Variants in DUS2 observed in about 807,000 individuals in gnomAD.
DUS2 encodes dihydrouridine synthase 2.
Under a neutral mutation model 71.3 loss-of-function variants are expected in DUS2, and 52 were observed. The observed-to-expected ratio is 0.73, with a 90% CI of 0.58 to 0.92. The LOEUF (loss-of-function observed/expected upper bound fraction) is 0.92. DUS2 is among the 40% of genes least tolerant of loss of function. The pLI, the probability that DUS2 is intolerant of heterozygous loss-of-function variation, is 0.00. For synonymous variants in DUS2, 204 were observed against 227.8 expected, an observed-to-expected ratio of 0.90 and a Z score of 0.94; for missense variants, 558 against 622.6, an observed-to-expected ratio of 0.90 and a Z score of 1.10.
In DUS2 at chr16:68,053,589, C is replaced by T. The variant is rs528944688; in HGVS notation, c.198C>T (p.Val66=). Residue 66 remains valine (V), a synonymous_variant, in exon 5 of 17, where the codon GTC becomes GTT. Transcript: ENST00000565263. ...VNEVLSTVDF[V]APDDRVVFRT... ...AGGTGCTCAGCACAGTGGACTTTGT[C>T]GCCCCTGATGATCGAGTTGTCTTCC... 1.1e-5 allele frequency: 18 copies of T among 1,614,202 alleles called. No homozygotes were observed. The highest frequency in any genetic ancestry group is 2.2e-5 in the East Asian group (1 of 44,886).
At chr16:68,046,542 T>A (rs1202935562) in intron 3 of DUS2, among the ~76,000 whole-genome samples, 1 of 152,092 alleles carries the variant, frequency 6.6e-6, no homozygotes, top group Non-Finnish European at 1.5e-5. Context: ...CACGCTCGGC[T>A]AATTTTTGTT....
chr16:68,072,510 A>G (rs977216331), intron 12 of DUS2, among the ~76,000 whole-genome samples: 3 of 152,196 alleles, frequency 2.0e-5, no homozygotes, highest in African/African-American at 7.2e-5. Context: ...ATCACAGAGA[A>G]AGGGAGCGGC....
At chr16:68,066,287 A>G (rs2034003518) in intron 8 of DUS2, 30 bp from the exon 9 acceptor site, 3 of 1,609,178 alleles carry the variant, frequency 1.9e-6, no homozygotes, top group South Asian at 1.1e-5. Context: ...TCCAGAAGAC[A>G]TAGGTGCTCT....
intron 4 of DUS2, 52 bp downstream of exon 4, chr16:68,049,602 C>G: frequency 6.4e-7 from 1 of 1,555,052 alleles, no homozygotes; most frequent in South Asian, 1.1e-5. Flanking sequence ...TGGGCTCAAG[C>G]AGCACTACCA....
rs1327522993 is a variant in DUS2 at position 68,071,064 on chromosome 16, G to A, written c.766G>A (p.Gly256Ser). ...MWNPSIFLKE[G>S]LRPLEEVMQK... The stretch of plus-strand genomic sequence containing the variant: ...GAACCCATCTATCTTCCTCAAGGAG[G>A]GTCTGCGGCCCCTGGAGGAGGTCAT... The change falls in exon 12 of 17, where the codon GGT (glycine) becomes AGT (serine). Residue 256 changes from glycine to serine, a missense_variant. By Grantham distance (56) the Gly-to-Ser change is moderately conservative. Coordinates refer to ENST00000565263, the MANE Select transcript of DUS2 (RefSeq NM_017803.5). 5.6e-6 allele frequency: 9 copies of A among 1,614,084 alleles called. No individual in the cohort carries two copies. In the African/African-American group the frequency reaches 1.2e-4, roughly 22 times the overall value.
intron 12 of DUS2, 68 bp downstream of exon 12, chr16:68,071,176 T>G (rs1169079874): frequency 6.4e-7 from 1 of 1,555,898 alleles, no homozygotes; most frequent in Admixed American, 1.7e-5. Context: ...GAGAGCACTT[T>G]GTGTGAGCCC....
chr16:68,076,766 C>CAACTCTAG, intron 15 of DUS2, 47 bp downstream of exon 15: 1 of 1,509,626 alleles, frequency 6.6e-7, no homozygotes, highest in Non-Finnish European at 9.2e-7. Context: ...ACAGCACTCC[C>CAACTCTAG]ATGGCTTACA....
chr16:68,053,904 A>G (rs1343586760), intron 5 of DUS2: 5 of 471,014 alleles, frequency 1.1e-5, no homozygotes, highest in Non-Finnish European at 1.9e-5. Flanking sequence ...ACTTACTTGT[A>G]GGAATTGTCT....
At chr16:68,024,548 A>G (rs2033315204) in intron 1 of DUS2, among the ~76,000 whole-genome samples, 1 of 152,202 alleles carries the variant, frequency 6.6e-6, no homozygotes, top group Admixed American at 6.5e-5. Flanking sequence ...ATCAAATACC[A>G]ATGAAAAGAT....
At chr16:68,058,004 AG>A (rs1439124197) in intron 7 of DUS2, among the ~76,000 whole-genome samples, 1 of 151,808 alleles carries the variant, frequency 6.6e-6, no homozygotes, top group Non-Finnish European at 1.5e-5. Flanking sequence ...GGAATTTGAT[AG>A]GGAAATATTG....
At chr16:68,062,718 CAAAAAAAAAAAAAA>C in intron 8 of DUS2, among the ~76,000 whole-genome samples, 1 of 48,724 alleles carries the variant, frequency 2.1e-5, no homozygotes, top group African/African-American at 8.3e-5. Context: ...GACTCCGTCT[CAAAAAAAAAAAAAA>C]AAAAAAAAGA....
At chr16:68,027,900 G>A (rs1022918838) in intron 2 of DUS2, among the ~76,000 whole-genome samples, 2 of 152,164 alleles carry the variant, frequency 1.3e-5, no homozygotes, top group African/African-American at 4.8e-5. Context: ...GAGAGAGCAG[G>A]CCAGGCTGGG....
At chr16:68,037,976 T>G in intron 2 of DUS2, 30 bp from the exon 3 acceptor site, 1 of 1,599,814 alleles carries the variant, frequency 6.3e-7, no homozygotes, top group Non-Finnish European at 8.5e-7. Context: ...CATTTGAATT[T>G]CTGACTCTTG....
intron 7 of DUS2, among the ~76,000 whole-genome samples, chr16:68,057,662 C>T (rs1433007723): frequency 6.6e-6 from 1 of 151,800 alleles, no homozygotes; most frequent in Non-Finnish European, 1.5e-5. Flanking sequence ...GTCAGATCAC[C>T]TGAGGTCAGG....
At chr16:68,051,602 G>GC (rs1304294386) in intron 4 of DUS2, among the ~76,000 whole-genome samples, 1 of 151,856 alleles carries the variant, frequency 6.6e-6, no homozygotes, top group African/African-American at 2.4e-5. Context: ...ATGTTCCCCA[G>GC]CTGGTCTCAA....
At chr16:68,073,897 T>G (rs1598320015) in intron 12 of DUS2, 137 bp from the exon 13 acceptor site, 1 of 1,070,794 alleles carries the variant, frequency 9.3e-7, no homozygotes, top group Non-Finnish European at 1.3e-6. Flanking sequence ...CCAGTGGTGG[T>G]TCTTCTTATG....
At chr16:68,036,163 ATT>A (rs891165125) in intron 2 of DUS2, among the ~76,000 whole-genome samples, 1 of 131,874 alleles carries the variant, frequency 7.6e-6, no homozygotes, top group African/African-American at 2.8e-5. Context: ...CAGCTGGCTA[ATT>A]TTTTTTTTTT....
chr16:68,078,493 G>T lies in DUS2; in HGVS notation c.1219G>T (p.Glu407Ter). ...GTTCTCCTCTATTGTCACCGTTGCT[G>T]AACAAAAGTATCAGTCTACCTTGTG... ...RLFSSIVTVA[E>*]QKYQSTLWDK... is the part of the protein sequence containing the mutation. The change falls in exon 16 of 17, where the codon GAA (glutamate) becomes TAA (stop). Residue 407 changes from glutamate (E) to a stop codon, truncating the protein, a stop_gained. Coordinates refer to ENST00000565263, the MANE Select transcript of DUS2 (RefSeq NM_017803.5). LOFTEE classifies it high-confidence loss of function. 1 of 1,614,078 alleles carries T rather than the reference G, an allele frequency of 6.2e-7. No homozygotes were observed. Among genetic ancestry groups the T allele is most frequent in the African/African-American group, 1.3e-5 (1 of 75,050 alleles).
chr16:68,066,618 C>T lies in DUS2; in HGVS notation c.536C>T (p.Ala179Val). Reference protein sequence around the residue: ...VKRIERTGIAAIAVHGRKREE... With the variant: ...VKRIERTGIAVIAVHGRKREE... The stretch of plus-strand genomic sequence containing the variant: ...CGGATAGAGAGGACTGGCATTGCTG[C>T]CATCGCAGTTCATGGGAGGTGAGTG... Residue 179 changes from alanine to valine, a missense_variant, in exon 10 of 17, where the codon GCC (alanine) becomes GTC (valine). Transcript: ENST00000565263. The T allele has an allele frequency of 6.2e-7, 1 of 1,614,136 alleles. No homozygotes were observed. The highest frequency in any genetic ancestry group is 8.5e-7 in the Non-Finnish European group (1 of 1,179,984).
Sources: allele counts gnomAD v4.1 joint callset (sites outside exome capture counted in the v4.1 genomes callset), GRCh38; gene constraint gnomAD v4.1.1; transcripts MANE v1.5; gene names NCBI Gene and HGNC (gene_info 2026-07-23, HGNC 2026-07-21).